POF1B: variants seen among roughly 807,000 people sequenced by gnomAD.
The protein encoded by POF1B is protein POF1B.
Under a neutral mutation model 55.3 loss-of-function variants are expected in POF1B, and 53 were observed. The ratio of observed to expected loss-of-function variants is 0.96; its 90% CI spans 0.77 to 1.20. POF1B has a LOEUF of 1.20. Ranked by LOEUF, POF1B falls within the 50% of genes most tolerant of loss-of-function variation. The probability of loss-of-function intolerance (pLI) is 0.00; values close to 1 mark genes in which losing one functional copy is unlikely to be tolerated. For synonymous variants in POF1B, 188 were observed against 148.3 expected (o/e 1.27, Z -1.95); for missense variants, 478 against 420.5 (o/e 1.14, Z -1.20).
chrX:85,377,485 T>C (rs776083556), intron 2 of POF1B, among the ~76,000 whole-genome samples: 81 of 111,867 alleles, frequency 7.2e-4, no homozygotes, highest in Non-Finnish European at 1.7e-4. Context: ...CTTTACCACA[T>C]AGCTTAACTT....
At chrX:85,295,614 A>T (rs1461078031) in intron 15 of POF1B, among the ~76,000 whole-genome samples, 2 of 111,599 alleles carry the variant, frequency 1.8e-5, no homozygotes, top group Non-Finnish European at 3.8e-5. Flanking sequence ...TTGATTTTTT[A>T]AAATTTATTG....
At chrX:85,377,966 T>C (rs959669814) in intron 2 of POF1B, among the ~76,000 whole-genome samples, 2 of 112,146 alleles carry the variant, frequency 1.8e-5, no homozygotes, top group Non-Finnish European at 3.8e-5. Flanking sequence ...TAGTAATTGT[T>C]TTTAATCTGC....
At chrX:85,335,623 T>G (rs1933057148) in intron 6 of POF1B, among the ~76,000 whole-genome samples, 1 of 111,410 alleles carries the variant, frequency 9.0e-6, no homozygotes, top group African/African-American at 3.2e-5. Flanking sequence ...ACTATTATTT[T>G]AATCTATGTA....
At chrX:85,294,618 A>T (rs1243823750) in intron 15 of POF1B, among the ~76,000 whole-genome samples, 1 of 111,543 alleles carries the variant, frequency 9.0e-6, no homozygotes, top group Non-Finnish European at 1.9e-5. Context: ...TTGGGCTTGC[A>T]AGTATTTTGT....
At chrX:85,333,078 T>G (rs1035715286) in intron 6 of POF1B, among the ~76,000 whole-genome samples, 2 of 111,001 alleles carry the variant, frequency 1.8e-5, no homozygotes, top group Admixed American at 9.6e-5. Context: ...ATATACATAA[T>G]TTTATTTTTT....
chrX:85,301,216 G>T (rs1569281507), intron 15 of POF1B, among the ~76,000 whole-genome samples: 1 of 111,246 alleles, frequency 9.0e-6, no homozygotes, highest in East Asian at 2.8e-4. Context: ...TAATCAAACA[G>T]TCAAGGGCCA....
chrX:85,305,591 G>A (rs924259114), intron 13 of POF1B, among the ~76,000 whole-genome samples, 200 bp downstream of exon 13: 1 of 111,643 alleles, frequency 9.0e-6, no homozygotes, highest in Non-Finnish European at 1.9e-5. Context: ...TTTCCTAGAA[G>A]AAATTAAGCT....
chrX:85,319,226 A>G lies in POF1B; in HGVS notation c.855-3492T>C, dbSNP rs1359395525. The stretch of plus-strand genomic sequence containing the variant: ...TTTTTGTACATTGATTTCATATCCT[A>G]AAACTTTGTTTAAGTGGTGTATCAA... On this transcript the variant is annotated intron_variant, in intron 7 of 16. Transcript: ENST00000262753. Among the ~76,000 whole-genome samples, 3 of 111,451 alleles carry G rather than the reference A, an allele frequency of 2.7e-5. No homozygotes were observed. The Admixed American group carries it at 2.9e-4, about 11-fold the overall frequency.
At chrX:85,339,115 A>G (rs1933125846) in intron 6 of POF1B, among the ~76,000 whole-genome samples, 1 of 111,399 alleles carries the variant, frequency 9.0e-6, no homozygotes, top group Non-Finnish European at 1.9e-5. Flanking sequence ...TAATGGACTT[A>G]CAGTTCCACA....
intron 14 of POF1B, 145 bp downstream of exon 14, chrX:85,304,197 TC>T (rs888317868): frequency 6.9e-6 from 4 of 576,302 alleles, no homozygotes; most frequent in Non-Finnish European, 9.6e-6. Flanking sequence ...ATATTCTACT[TC>T]CTCACTTGCA....
chrX:85,334,357 ATAAT>A (rs1250955528), intron 6 of POF1B, among the ~76,000 whole-genome samples: 1 of 111,382 alleles, frequency 9.0e-6, no homozygotes, highest in Admixed American at 9.6e-5. Flanking sequence ...TTAATCTTTG[ATAAT>A]TAATTTAGTT....
chrX:85,354,111 G>T (rs781096187), intron 4 of POF1B, among the ~76,000 whole-genome samples: 136 of 110,849 alleles, frequency 1.2e-3, no homozygotes, highest in African/African-American at 4.4e-3. Context: ...CTTATTGGAG[G>T]CTCAGTTTTC....
chrX:85,285,812 A>T (rs967741875), intron 15 of POF1B, among the ~76,000 whole-genome samples: 1 of 111,718 alleles, frequency 9.0e-6, no homozygotes, highest in Non-Finnish European at 1.9e-5. Flanking sequence ...AAAAATTTTT[A>T]AAAATGACCA....
chrX:85,321,800 C>G (rs1375458748), intron 7 of POF1B, among the ~76,000 whole-genome samples: 1 of 105,399 alleles, frequency 9.5e-6, no homozygotes, highest in Admixed American at 1.0e-4. Flanking sequence ...ACACCAACAA[C>G]AGACAAACAG....
chrX:85,377,646 C>T (rs1336871395), intron 2 of POF1B, among the ~76,000 whole-genome samples: 2 of 111,486 alleles, frequency 1.8e-5, no homozygotes, highest in Non-Finnish European at 3.8e-5. Flanking sequence ...TCCTGTGTGG[C>T]GAGCTACATT....
chrX:85,309,072 T>C lies in POF1B; in HGVS notation c.958-856A>G, dbSNP rs1190617424. 2.7e-5 allele frequency among the ~76,000 whole-genome samples: 3 copies of C among 111,650 alleles called. No homozygotes were observed. In the East Asian group the frequency reaches 8.5e-4, roughly 32 times the overall value. Reference sequence around the variant, plus strand: ...TTAAAAAACAGACAACTTCAGCTTCTGGGAAGATGGAGTAAAAATACTTTC... The same window carrying C: ...TTAAAAAACAGACAACTTCAGCTTCCGGGAAGATGGAGTAAAAATACTTTC... On this transcript the variant is annotated intron_variant, in intron 9 of 16. Transcript: ENST00000262753.
chrX:85,299,680 T>TG (rs1305257682), intron 15 of POF1B, among the ~76,000 whole-genome samples: 1 of 106,218 alleles, frequency 9.4e-6, no homozygotes, highest in African/African-American at 3.5e-5. Context: ...AATTTTTTTT[T>TG]TGTATTTTTA....
At chrX:85,336,952 C>T (rs1238998320) in intron 6 of POF1B, among the ~76,000 whole-genome samples, 1 of 111,289 alleles carries the variant, frequency 9.0e-6, no homozygotes, top group Non-Finnish European at 1.9e-5. Context: ...TGTCTTTAGT[C>T]CATTTTGATT....
chrX:85,359,110 AACCTTTGACCTTTAATTTTC>A (rs72306299), intron 4 of POF1B, among the ~76,000 whole-genome samples: 3,164 of 111,259 alleles, frequency 0.028, 89 homozygotes, highest in African/African-American at 0.083. Context: ...GACACTTTTT[AACCTTTGACCTTTAATTTTC>A]ATCTTCCTAG....
Sources: gnomAD v4.1 joint callset for allele counts (sites outside exome capture counted in the v4.1 genomes callset) on GRCh38, gnomAD v4.1.1 for gene constraint, MANE v1.5 for transcripts, NCBI Gene and HGNC (gene_info 2026-07-23, HGNC 2026-07-21) for gene names.